DGKI: variants seen among roughly 807,000 people sequenced by gnomAD.
The protein encoded by DGKI is diacylglycerol kinase iota.
In DGKI, 55 loss-of-function variants were observed where a neutral mutation model predicts 147.5. The ratio of observed to expected loss-of-function variants is 0.37; its 90% CI spans 0.30 to 0.47. The LOEUF is 0.47. Among genes scored for constraint, DGKI ranks in the 20% least tolerant of loss-of-function variants. The pLI is 1.00. For synonymous variants in DGKI, 469 were observed against 477.1 expected (o/e 0.98, Z 0.22); for missense variants, 1,007 against 1,323.8 (o/e 0.76, Z 3.71).
chr7:137,469,069 A>G (rs1007427736), intron 24 of DGKI, among the ~76,000 whole-genome samples: 2 of 152,216 alleles, frequency 1.3e-5, no homozygotes, highest in African/African-American at 4.8e-5. Flanking sequence ...TGCATGCAAT[A>G]TATCATGCGG....
Position 137,678,649 on chromosome 7 carries a change from TCTC to T in DGKI, c.511_513del (p.Glu171del). On this transcript the variant is annotated inframe_deletion and splice_region_variant, in exon 3 of 33. Coordinates refer to ENST00000614521, the MANE Select transcript of DGKI (RefSeq NM_001321708.2). The stretch of plus-strand genomic sequence containing the variant: ...CACAGGTGTTCTCCATTCACGGCAT[TCTC>T]CTGCAAGGAAAAGACCCACCTGACA... 6.2e-7 allele frequency: 1 copy of T among 1,613,954 alleles called. No homozygotes were observed. The highest frequency in any genetic ancestry group is 8.5e-7 in the Non-Finnish European group (1 of 1,179,958).
intron 1 of DGKI, among the ~76,000 whole-genome samples, chr7:137,784,512 A>G (rs1796608945): frequency 6.6e-6 from 1 of 152,172 alleles, no homozygotes; most frequent in East Asian, 1.9e-4. Context: ...ATAGATGGCA[A>G]TATAATAATA....
chr7:137,472,045 GTATA>G (rs201511101), intron 23 of DGKI, among the ~76,000 whole-genome samples: 5 of 128,006 alleles, frequency 3.9e-5, no homozygotes, highest in African/African-American at 6.0e-5. Context: ...CACTATATAT[GTATA>G]TATGTTATAT....
chr7:137,572,960 A>C (rs1818843472), intron 17 of DGKI, 122 bp from the exon 18 acceptor site: 1 of 642,330 alleles, frequency 1.6e-6, no homozygotes, highest in African/African-American at 1.8e-5. Context: ...ATCTCTGCTT[A>C]AGTGAATGCC....
intron 28 of DGKI, among the ~76,000 whole-genome samples, chr7:137,440,186 T>C (rs1285607023): frequency 6.6e-6 from 1 of 152,192 alleles, no homozygotes; most frequent in Non-Finnish European, 1.5e-5. Flanking sequence ...GACAGTGCAA[T>C]CAATCACTGC....
chr7:137,578,073 ACT>A (rs1480347487), intron 16 of DGKI, among the ~76,000 whole-genome samples, 195 bp downstream of exon 16: 2 of 151,942 alleles, frequency 1.3e-5, no homozygotes, highest in African/African-American at 4.8e-5. Context: ...AGGAACACCA[ACT>A]CTCTTTCTGA....
rs1161207418 is a variant in DGKI, at chr7:137,472,288, G to GTATATACATATAT, written c.2374-2670_2374-2669insATATATGTATATA. Among the ~76,000 whole-genome samples, 212 of 23,604 alleles carry GTATATACATATAT rather than the reference G, an allele frequency of 9.0e-3. 8 individuals carry two copies. Among genetic ancestry groups the GTATATACATATAT allele is most frequent in the African/African-American group, 0.024 (209 of 8,752 alleles). 15.5% of individuals were successfully genotyped at this position (23,604 alleles called of 152,430 possible). A position where few individuals can be genotyped will look rare whatever the true frequency, so the allele number is the denominator to read the frequency against. ...TGTATATATACATATAATATTATAT[G>GTATATACATATAT]TATGTGTATATTTATGTGTATATAC... is the stretch of plus-strand genomic sequence containing the variant. On this transcript the variant is annotated intron_variant, in intron 23 of 32. Coordinates refer to ENST00000614521, the MANE Select transcript of DGKI (RefSeq NM_001321708.2).
intron 1 of DGKI, among the ~76,000 whole-genome samples, chr7:137,742,620 A>G (rs958143915): frequency 6.6e-6 from 1 of 152,210 alleles, no homozygotes; most frequent in Non-Finnish European, 1.5e-5. Context: ...TAATGAAATT[A>G]ATACCCATGC....
At chr7:137,407,428 C>A (rs1406219202) in intron 30 of DGKI, among the ~76,000 whole-genome samples, 9 of 151,146 alleles carry the variant, frequency 6.0e-5, no homozygotes, top group African/African-American at 2.2e-4. Context: ...TAAATGAGAT[C>A]AAACAGAAAA....
chr7:137,680,221 T>A (rs61140981), intron 2 of DGKI, among the ~76,000 whole-genome samples: 2 of 151,970 alleles, frequency 1.3e-5, no homozygotes, highest in South Asian at 2.1e-4. Flanking sequence ...AGGAAGAGGA[T>A]TCTACCCAGG....
intron 6 of DGKI, among the ~76,000 whole-genome samples, chr7:137,626,532 T>C (rs1165464269): frequency 6.6e-6 from 1 of 152,096 alleles, no homozygotes; most frequent in Non-Finnish European, 1.5e-5. Flanking sequence ...TTTTCCAAGA[T>C]GATGCTAAAC....
chr7:137,543,692 C>T (rs1817774673), intron 20 of DGKI, among the ~76,000 whole-genome samples: 1 of 152,084 alleles, frequency 6.6e-6, no homozygotes. Context: ...AACCCCCTTC[C>T]CCTCCCCGCC....
At chr7:137,414,667 T>G (rs1035063479) in intron 28 of DGKI, among the ~76,000 whole-genome samples, 3 of 152,136 alleles carry the variant, frequency 2.0e-5, no homozygotes, top group Non-Finnish European at 4.4e-5. Context: ...ATACAGACCC[T>G]GTGTGAGCCT....
intron 1 of DGKI, among the ~76,000 whole-genome samples, chr7:137,818,739 G>A (rs751980293): frequency 6.6e-6 from 1 of 151,990 alleles, no homozygotes; most frequent in Non-Finnish European, 1.5e-5. Flanking sequence ...ACCGCACCTG[G>A]CCCTCCCACC....
chr7:137,684,155 AT>A (rs1406500713), intron 2 of DGKI, among the ~76,000 whole-genome samples: 4 of 152,254 alleles, frequency 2.6e-5, no homozygotes, highest in Admixed American at 2.6e-4. Flanking sequence ...CAGGACAAGA[AT>A]TGATAACACA....
chr7:137,777,990 G>T (rs769585050), intron 1 of DGKI, among the ~76,000 whole-genome samples: 1 of 152,168 alleles, frequency 6.6e-6, no homozygotes, highest in Non-Finnish European at 1.5e-5. Context: ...AATACTAGGC[G>T]ATTGGCAATC....
intron 11 of DGKI, among the ~76,000 whole-genome samples, chr7:137,599,390 C>CGT (rs1200899131): frequency 4.0e-5 from 6 of 151,838 alleles, no homozygotes; most frequent in African/African-American, 7.3e-5. Flanking sequence ...CACACAAGCG[C>CGT]GCGCACACAC....
At chr7:137,512,425 T>C (rs1285209151) in intron 21 of DGKI, among the ~76,000 whole-genome samples, 1 of 152,164 alleles carries the variant, frequency 6.6e-6, no homozygotes, top group Non-Finnish European at 1.5e-5. Context: ...TGAATGAAAG[T>C]AATAATTTTA....
In DGKI at chr7:137,385,944, C is replaced by A. The variant is rs1404061189; in HGVS notation, c.*5276G>T. ...AATCAAGAGTTTTGTCTATTACATT[C>A]ATTGTTATATCCTTAGTATGATGCC... On this transcript the variant is annotated 3_prime_UTR_variant, in exon 33 of 33. Coordinates refer to ENST00000614521, the MANE Select transcript of DGKI (RefSeq NM_001321708.2). The A allele has an allele frequency of 1.3e-5, 2 of 152,060 alleles. No homozygotes were observed. The highest frequency in any genetic ancestry group is 6.6e-5 in the Admixed American group (1 of 15,234). 9.4% of individuals were successfully genotyped at this position (152,060 alleles called of 1,614,324 possible).
Sources: gnomAD v4.1 joint callset for allele counts (sites outside exome capture counted in the v4.1 genomes callset) on GRCh38, gnomAD v4.1.1 for gene constraint, MANE v1.5 for transcripts, NCBI Gene and HGNC (gene_info 2026-07-23, HGNC 2026-07-21) for gene names.